STIMATE: variants seen among roughly 807,000 people sequenced by gnomAD.
The protein encoded by STIMATE is store-operated calcium entry regulator STIMATE.
In STIMATE, 15 loss-of-function variants were observed where a neutral mutation model predicts 36.7. The ratio of observed to expected loss-of-function variants is 0.41; its 90% CI spans 0.27 to 0.63. The LOEUF is 0.63. Ranked by LOEUF, STIMATE falls within the 20% of genes least tolerant of loss-of-function variation. The probability of loss-of-function intolerance (pLI) is 0.32; values close to 1 mark genes in which losing one functional copy is unlikely to be tolerated. For synonymous variants in STIMATE, 163 were observed against 162.3 expected (o/e 1.00, Z -0.03); for missense variants, 305 against 397.3 (o/e 0.77, Z 1.98).
chr3:52,866,095 C>T (rs1281618846), intron 1 of STIMATE, among the ~76,000 whole-genome samples: 1 of 152,196 alleles, frequency 6.6e-6, no homozygotes, highest in Non-Finnish European at 1.5e-5. Context: ...CCTGTGTGGG[C>T]CCATATCTGA....
At chr3:52,855,535 T>C in intron 1 of STIMATE, 91 bp from the exon 2 acceptor site, 1 of 1,568,916 alleles carries the variant, frequency 6.4e-7, no homozygotes, top group Non-Finnish European at 8.7e-7. Context: ...CTACTCACTG[T>C]GTGTATAACC....
At chr3:52,893,879 C>T (rs751673381) in intron 1 of STIMATE, among the ~76,000 whole-genome samples, 1 of 152,186 alleles carries the variant, frequency 6.6e-6, no homozygotes. Flanking sequence ...CTTGAGTTTG[C>T]TTTGCATTCA....
intron 1 of STIMATE, among the ~76,000 whole-genome samples, chr3:52,880,758 G>A (rs1701589570): frequency 6.6e-6 from 1 of 152,188 alleles, no homozygotes; most frequent in Non-Finnish European, 1.5e-5. Flanking sequence ...GAATGAGCTG[G>A]CTGTTTCAAT....
intron 1 of STIMATE, among the ~76,000 whole-genome samples, chr3:52,867,051 G>C (rs1319431360): frequency 1.3e-5 from 2 of 152,182 alleles, no homozygotes; most frequent in Non-Finnish European, 2.9e-5. Context: ...AGGTGGTACA[G>C]TCCCTTGCAT....
intron 1 of STIMATE, among the ~76,000 whole-genome samples, chr3:52,886,874 C>A (rs1701693851): frequency 6.6e-6 from 1 of 152,194 alleles, no homozygotes; most frequent in South Asian, 2.1e-4. Context: ...ATGCAGGCAG[C>A]AGCCTGCCAA....
intron 6 of STIMATE, 155 bp from the exon 7 acceptor site, chr3:52,843,115 A>G (rs529732643): frequency 1.1e-5 from 15 of 1,340,520 alleles, no homozygotes; most frequent in Non-Finnish European, 1.5e-5. Flanking sequence ...CCCAAAGCTT[A>G]GAAAGAGATT....
intron 1 of STIMATE, among the ~76,000 whole-genome samples, chr3:52,874,165 C>A (rs571810819): frequency 6.6e-6 from 1 of 152,248 alleles, no homozygotes; most frequent in East Asian, 1.9e-4. Flanking sequence ...AGCTAAATGT[C>A]CATCGATAGG....
intron 1 of STIMATE, among the ~76,000 whole-genome samples, chr3:52,878,259 G>A (rs570137275): frequency 5.4e-4 from 81 of 151,400 alleles, no homozygotes; most frequent in Admixed American, 9.2e-4. Flanking sequence ...TAGACACCAC[G>A]CATGTGACCA....
At chr3:52,859,566 G>GGT (rs533620378) in intron 1 of STIMATE, among the ~76,000 whole-genome samples, 64 of 108,348 alleles carry the variant, frequency 5.9e-4, no homozygotes, top group African/African-American at 2.0e-3. Context: ...TGGGCATGAT[G>GGT]GTATGTACCC....
rs182157877 is a variant in STIMATE at position 52,862,244 on chromosome 3, C to A, written c.161-6800G>T. Among the ~76,000 whole-genome samples, 4 of 152,340 alleles carry A rather than the reference C, an allele frequency of 2.6e-5. No homozygotes were observed. The East Asian group carries it at 5.8e-4, about 22-fold the overall frequency. ...GTAACTGAAAAGTCTTCTGCATATGCCCCTTTCCCCATTTCTACTGGCAAG... is the reference window on the plus strand; with the variant it reads ...GTAACTGAAAAGTCTTCTGCATATGACCCTTTCCCCATTTCTACTGGCAAG... On this transcript the variant is annotated intron_variant, in intron 1 of 7. Coordinates refer to ENST00000355083, the MANE Select transcript of STIMATE (RefSeq NM_198563.5).
At position 52,877,189 on chromosome 3, in the gene STIMATE, G is replaced by A. The variant is rs1291691595; in HGVS notation, c.160+20102C>T. Among the ~76,000 whole-genome samples, 60 of 152,354 alleles carry A rather than the reference G, an allele frequency of 3.9e-4. 2 individuals carry two copies. The highest frequency in any genetic ancestry group is 3.9e-3 in the Admixed American group (60 of 15,304). ...CACGCTTTTGGGCAACCCAGTGCCT[G>A]CCTCTGCCAGACCAGCCTGAAGCTG... On this transcript the variant is annotated intron_variant, in intron 1 of 7. Coordinates refer to ENST00000355083, the MANE Select transcript of STIMATE (RefSeq NM_198563.5).
chr3:52,889,532 T>A (rs1701747738), intron 1 of STIMATE, among the ~76,000 whole-genome samples: 1 of 152,050 alleles, frequency 6.6e-6, no homozygotes, highest in South Asian at 2.1e-4. Flanking sequence ...TGACTTTGAG[T>A]GGGTTACTTA....
chr3:52,889,362 C>T (rs1701744359), intron 1 of STIMATE, among the ~76,000 whole-genome samples: 1 of 152,214 alleles, frequency 6.6e-6, no homozygotes, highest in Admixed American at 6.5e-5. Context: ...TCGAGAGCTG[C>T]ATACAATCCA....
intron 5 of STIMATE, 33 bp downstream of exon 5, chr3:52,844,796 G>A (rs1318382460): frequency 2.5e-6 from 4 of 1,608,580 alleles, no homozygotes; most frequent in East Asian, 2.2e-5. Context: ...GCTCAGCGTG[G>A]CAAGGAGCTG....
chr3:52,868,652 T>C (rs558090379), intron 1 of STIMATE, among the ~76,000 whole-genome samples: 1 of 152,308 alleles, frequency 6.6e-6, no homozygotes, highest in East Asian at 1.9e-4. Flanking sequence ...GACAGTGTTT[T>C]GCTCTTGTCG....
intron 1 of STIMATE, among the ~76,000 whole-genome samples, chr3:52,879,270 G>C (rs1701562410): frequency 6.6e-6 from 1 of 152,212 alleles, no homozygotes; most frequent in Admixed American, 6.5e-5. Context: ...CTACGAGTCA[G>C]GTGGCCAGAG....
intron 1 of STIMATE, among the ~76,000 whole-genome samples, chr3:52,857,140 GAACA>G (rs917427309): frequency 3.9e-5 from 6 of 152,180 alleles, no homozygotes; most frequent in Admixed American, 1.3e-4. Flanking sequence ...CCTACTCTCT[GAACA>G]AACAAAGGCA....
chr3:52,896,942 C>T (rs1281657866), intron 1 of STIMATE, among the ~76,000 whole-genome samples: 1 of 152,160 alleles, frequency 6.6e-6, no homozygotes. Flanking sequence ...CGAAGAGCCC[C>T]TGAGAAGGGG....
At chr3:52,845,600 G>A (rs896836279) in intron 4 of STIMATE, among the ~76,000 whole-genome samples, 10 of 152,182 alleles carry the variant, frequency 6.6e-5, no homozygotes, top group Non-Finnish European at 1.5e-4. Context: ...GGGATGGGCC[G>A]GGGCCCAGGG....
Sources: allele counts gnomAD v4.1 joint callset (sites outside exome capture counted in the v4.1 genomes callset), GRCh38; gene constraint gnomAD v4.1.1; transcripts MANE v1.5; gene names NCBI Gene and HGNC (gene_info 2026-07-23, HGNC 2026-07-21).